Variants in TMOD1 observed in about 807,000 individuals in gnomAD.
The protein encoded by TMOD1 is tropomodulin 1.
TMOD1 carries 17 observed loss-of-function variants against 40.6 expected under a neutral mutation model. The ratio of observed to expected loss-of-function variants is 0.42; its 90% confidence interval spans 0.29 to 0.63. TMOD1 has a LOEUF of 0.63. Among genes scored for constraint, TMOD1 ranks in the 20% least tolerant of loss-of-function variants. TMOD1 has a pLI of 0.22. For synonymous variants in TMOD1, 181 were observed against 175.0 expected, an observed-to-expected ratio of 1.03 and a Z score of -0.27; for missense variants, 391 against 447.6, an observed-to-expected ratio of 0.87 and a Z score of 1.14.
intron 2 of TMOD1, among the ~76,000 whole-genome samples, chr9:97,537,664 G>A (rs924671152): frequency 2.0e-5 from 3 of 152,086 alleles, no homozygotes; most frequent in African/African-American, 4.8e-5. Context: ...TAAAAATCAG[G>A]AGTTGGCAAC....
At chr9:97,526,634 C>T (rs1416499617) in intron 2 of TMOD1, among the ~76,000 whole-genome samples, 4 of 152,152 alleles carry the variant, frequency 2.6e-5, no homozygotes, top group Non-Finnish European at 5.9e-5. Context: ...GAAAACAACA[C>T]TTCAATCTCA....
At chr9:97,592,283 A>G (rs1057505829) in intron 9 of TMOD1, among the ~76,000 whole-genome samples, 15 of 151,698 alleles carry the variant, frequency 9.9e-5, no homozygotes, top group African/African-American at 3.6e-4. Context: ...CAAGAGGGGG[A>G]AAAAAAACAA....
chr9:97,511,099 C>CAG (rs775602120), intron 1 of TMOD1, among the ~76,000 whole-genome samples: 87,080 of 148,222 alleles, frequency 0.59, 25,638 homozygotes, highest in Middle Eastern at 0.67. Flanking sequence ...CACACACACA[C>CAG]ACACACACAC....
intron 8 of TMOD1, among the ~76,000 whole-genome samples, chr9:97,581,444 G>T (rs560708221): frequency 2.0e-5 from 3 of 151,914 alleles, no homozygotes; most frequent in South Asian, 2.1e-4. Flanking sequence ...GAATAATGCC[G>T]CAATAAACAT....
intron 2 of TMOD1, 25 bp downstream of exon 2, chr9:97,524,333 C>T (rs751842506): frequency 2.5e-6 from 4 of 1,609,800 alleles, no homozygotes; most frequent in Non-Finnish European, 3.4e-6. Flanking sequence ...AAGGGAAGCA[C>T]ATTGTCACTA....
intron 9 of TMOD1, among the ~76,000 whole-genome samples, chr9:97,595,844 A>G (rs931479632): frequency 1.3e-5 from 2 of 152,014 alleles, no homozygotes; most frequent in Non-Finnish European, 2.9e-5. Context: ...AGGCCGAGGC[A>G]GGCGGATCAC....
At position 97,597,800 on chromosome 9, in the gene TMOD1, AC is replaced by A. The variant is rs1179000706; in HGVS notation, c.1016-1827del. On this transcript the variant is annotated intron_variant, in intron 9 of 9. Transcript: ENST00000259365. ...CAATGAGGGCAAGTAATGGAAAATA[AC>A]CCCCCCACCAAGCCATAGGGTCCTT... is the stretch of plus-strand genomic sequence containing the variant. 2.0e-5 allele frequency among the ~76,000 whole-genome samples: 3 copies of A among 150,794 alleles called. No homozygotes were observed. In the South Asian group the frequency reaches 6.3e-4, roughly 32 times the overall value.
intron 4 of TMOD1, chr9:97,555,780 G>A: frequency 8.1e-7 from 1 of 1,227,570 alleles, no homozygotes; most frequent in Non-Finnish European, 1.2e-6. Context: ...TTTTATTACT[G>A]TCCCCATTTT....
rs549100287 is a variant in TMOD1, at chr9:97,553,175, A to T, written c.278-106A>T. On this transcript the variant is annotated intron_variant, in intron 3 of 9. Transcript: ENST00000259365. ...GGAGAAACCTGAAGGGACTCTCAGC[A>T]TGGAGGGACCCACAGGGCTCTACAA... The T allele has an allele frequency of 4.6e-6, 7 of 1,533,000 alleles. No homozygotes were observed. In the East Asian group the frequency reaches 1.4e-4, roughly 30 times the overall value. 95.0% of individuals were successfully genotyped at this position (1,533,000 alleles called of 1,614,324 possible).
intron 2 of TMOD1, among the ~76,000 whole-genome samples, chr9:97,530,372 G>A (rs1223833210): frequency 6.6e-6 from 1 of 151,972 alleles, no homozygotes; most frequent in Admixed American, 6.5e-5. Flanking sequence ...CCTAAGAGTT[G>A]ATTTTAAAGT....
chr9:97,590,152 A>G (rs1324760517), intron 8 of TMOD1, among the ~76,000 whole-genome samples: 1 of 151,756 alleles, frequency 6.6e-6, no homozygotes, highest in Non-Finnish European at 1.5e-5. Flanking sequence ...AGCTGCCCAC[A>G]TTCTATTTAG....
chr9:97,554,050 A>G (rs1830495310), intron 4 of TMOD1, among the ~76,000 whole-genome samples: 2 of 152,052 alleles, frequency 1.3e-5, no homozygotes, highest in Non-Finnish European at 2.9e-5. Flanking sequence ...TCCCCACAGG[A>G]AGGTCAGGCT....
At chr9:97,553,192 G>A in intron 3 of TMOD1, 89 bp from the exon 4 acceptor site, 1 of 1,581,226 alleles carries the variant, frequency 6.3e-7, no homozygotes, top group Non-Finnish European at 8.6e-7. Context: ...GACCCACAGG[G>A]CTCTACAATG....
chr9:97,576,991 G>GGAGA (rs1189236793), intron 8 of TMOD1, among the ~76,000 whole-genome samples: 1 of 152,060 alleles, frequency 6.6e-6, no homozygotes, highest in South Asian at 2.1e-4. Context: ...ATCGGGTGAG[G>GGAGA]GAGACTCTTT....
chr9:97,507,905 G>C (rs1829615045), intron 1 of TMOD1, among the ~76,000 whole-genome samples: 1 of 152,184 alleles, frequency 6.6e-6, no homozygotes, highest in Admixed American at 6.5e-5. Context: ...CCACTAGACA[G>C]AGGGCATAGT....
At chr9:97,581,574 A>C (rs1243172911) in intron 8 of TMOD1, among the ~76,000 whole-genome samples, 1 of 151,460 alleles carries the variant, frequency 6.6e-6, no homozygotes, top group African/African-American at 2.4e-5. Context: ...CGCCACACTG[A>C]CTTCCACAAT....
chr9:97,599,496 T>G (rs1052283614), intron 9 of TMOD1, 138 bp from the exon 10 acceptor site: 34 of 1,029,214 alleles, frequency 3.3e-5, no homozygotes, highest in Non-Finnish European at 4.5e-5. Flanking sequence ...TCACACATAC[T>G]GTCCTTTCAA....
intron 8 of TMOD1, among the ~76,000 whole-genome samples, chr9:97,588,190 C>T (rs985244208): frequency 9.2e-5 from 14 of 152,210 alleles, no homozygotes; most frequent in African/African-American, 3.1e-4. Context: ...TTCAAAGGAG[C>T]TGCACCATTT....
chr9:97,520,530 C>T (rs1281144511), intron 1 of TMOD1, among the ~76,000 whole-genome samples: 3 of 152,262 alleles, frequency 2.0e-5, no homozygotes, highest in Non-Finnish European at 1.5e-5. Flanking sequence ...TGAGCCAAGT[C>T]GATGAGTGTG....
Sources: gnomAD v4.1 joint callset for allele counts (sites outside exome capture counted in the v4.1 genomes callset) on GRCh38, gnomAD v4.1.1 for gene constraint, MANE v1.5 for transcripts, NCBI Gene and HGNC (gene_info 2026-07-23, HGNC 2026-07-21) for gene names.